PCLO: variants seen among roughly 807,000 people sequenced by gnomAD.
PCLO encodes protein piccolo.
PCLO carries 82 observed loss-of-function variants against 427.5 expected under a neutral mutation model. The ratio of observed to expected loss-of-function variants is 0.19; its 90% CI spans 0.16 to 0.23. The LOEUF is 0.23. PCLO is among the 10% of genes least tolerant of loss of function. PCLO has a pLI of 1.00. For missense variants in PCLO, 6,239 were observed against 6,115.9 expected (o/e 1.02, Z -0.67); for synonymous variants, 2,357 against 2,155.4 (o/e 1.09, Z -2.59).
At position 82,952,652 on chromosome 7, in the gene PCLO, T is replaced by C; in HGVS notation, c.8301A>G (p.Gln2767=). ...QITANEVYGK[Q]ISAVQPSIIN... ...TAATAGAGGGTTGGACAGCACTAAT[T>C]TGTTTCCCATAAACTTCATTTGCTG... Residue 2767 remains glutamine (Q), a synonymous_variant, in exon 5 of 25, where the codon CAA becomes CAG. Transcript: ENST00000333891. 6.2e-7 allele frequency: 1 copy of C among 1,613,942 alleles called. No homozygotes were observed. The highest frequency in any genetic ancestry group is 1.1e-5 in the South Asian group (1 of 91,090).
chr7:82,821,570 T>C (rs1272673108), intron 20 of PCLO: 1 of 974,812 alleles, frequency 1.0e-6, no homozygotes, highest in South Asian at 4.8e-5. Context: ...TTGTGAAATA[T>C]TTGCACATAT....
chr7:82,925,951 T>G (rs1445405249), intron 6 of PCLO, among the ~76,000 whole-genome samples: 1 of 151,856 alleles, frequency 6.6e-6, no homozygotes, highest in African/African-American at 2.4e-5. Flanking sequence ...ACTCCTGGGC[T>G]CAAGAGATCC....
intron 21 of PCLO, among the ~76,000 whole-genome samples, chr7:82,802,307 G>A (rs958443019): frequency 5.3e-5 from 8 of 152,040 alleles, no homozygotes; most frequent in African/African-American, 1.9e-4. Context: ...CAGAGTGCCT[G>A]AGAAATAATA....
chr7:82,989,546 GAA>G (rs1442250652), intron 3 of PCLO, among the ~76,000 whole-genome samples: 1 of 151,692 alleles, frequency 6.6e-6, no homozygotes. Flanking sequence ...CTCAATAAAA[GAA>G]AAAATAATTT....
intron 3 of PCLO, among the ~76,000 whole-genome samples, chr7:83,046,358 T>G (rs1219550484): frequency 6.6e-6 from 1 of 152,118 alleles, no homozygotes; most frequent in Non-Finnish European, 1.5e-5. Context: ...GTACACAACT[T>G]GTATTTATTC....
At chr7:82,847,410 T>C (rs997363524) in intron 10 of PCLO, among the ~76,000 whole-genome samples, 163 bp from the exon 11 acceptor site, 2 of 152,210 alleles carry the variant, frequency 1.3e-5, no homozygotes, top group South Asian at 2.1e-4. Flanking sequence ...AACCATTATG[T>C]AGTTTGATCT....
At chr7:83,143,401 T>C (rs372644538) in intron 2 of PCLO, among the ~76,000 whole-genome samples, 95 of 152,258 alleles carry the variant, frequency 6.2e-4, no homozygotes, top group Non-Finnish European at 1.1e-3. Context: ...AGCAACTTAA[T>C]AAAACAATTT....
At chr7:83,109,988 T>C (rs1790962358) in intron 3 of PCLO, among the ~76,000 whole-genome samples, 1 of 151,764 alleles carries the variant, frequency 6.6e-6, no homozygotes, top group South Asian at 2.1e-4. Context: ...ATTGGGAGTT[T>C]AGCCACATCT....
At position 82,954,759 on chromosome 7, in the gene PCLO, T is replaced by C. The variant is rs1795465398; in HGVS notation, c.6194A>G (p.Tyr2065Cys). The C allele has an allele frequency of 4.3e-6, 7 of 1,613,714 alleles. No individual in the cohort carries two copies. In the South Asian group the frequency reaches 4.4e-5, roughly 10 times the overall value. ...CTGTTGCCTCTTCATAAGTTCTTCA[T>C]AGGCAGCATCAGCATCTAGTAGTTT... ...ERKLLDADAA[Y>C]EELMKRQQMQ... The change falls in exon 5 of 25, where the codon TAT becomes TGT. Residue 2065 changes from tyrosine (Y) to cysteine (C), a missense_variant. Tyr to Cys is a radical substitution (Grantham distance 194). This residue lies in a region of PCLO where 4,677 missense variants were observed against 4,468.4 expected (regional missense o/e 1.05). Coordinates refer to ENST00000333891, the MANE Select transcript of PCLO (RefSeq NM_033026.6).
Position 83,032,232 on chromosome 7 carries a change from A to C in PCLO, c.3301-65745T>G, listed in dbSNP as rs114969232. On this transcript the variant is annotated intron_variant, in intron 3 of 24. Transcript: ENST00000333891. The stretch of plus-strand genomic sequence containing the variant: ...CTTATTAGCCTTTTGAGTCACCCTG[A>C]GTATCTCAAATGACAAATTCATTAT... Among the ~76,000 whole-genome samples, 1,405 of 152,252 alleles carry C rather than the reference A, an allele frequency of 9.2e-3. 32 individuals carry two copies. Among genetic ancestry groups the C allele is most frequent in the African/African-American group, 0.031 (1,272 of 41,546 alleles).
intron 20 of PCLO, among the ~76,000 whole-genome samples, chr7:82,808,398 C>G (rs974216688): frequency 2.0e-5 from 3 of 151,680 alleles, no homozygotes; most frequent in Non-Finnish European, 4.4e-5. Flanking sequence ...TTACCTGATG[C>G]GATTTTTAGT....
At chr7:82,901,063 A>G (rs1300481257) in intron 9 of PCLO, among the ~76,000 whole-genome samples, 7 of 151,878 alleles carry the variant, frequency 4.6e-5, no homozygotes, top group African/African-American at 1.7e-4. Flanking sequence ...TTATATTCCT[A>G]CAACCAGTGA....
chr7:82,894,880 A>G (rs1223233337), intron 9 of PCLO, among the ~76,000 whole-genome samples: 1 of 152,048 alleles, frequency 6.6e-6, no homozygotes, highest in Non-Finnish European at 1.5e-5. Flanking sequence ...CCCTGGGTAA[A>G]TGAAGGCTGA....
At chr7:82,940,954 G>C (rs1795071064) in intron 6 of PCLO, among the ~76,000 whole-genome samples, 1 of 151,362 alleles carries the variant, frequency 6.6e-6, no homozygotes, top group African/African-American at 2.4e-5. Flanking sequence ...AGTAGAGACG[G>C]GGTTTCACCA....
At chr7:83,085,365 C>A (rs544266553) in intron 3 of PCLO, among the ~76,000 whole-genome samples, 2 of 152,148 alleles carry the variant, frequency 1.3e-5, no homozygotes, top group Admixed American at 1.3e-4. Flanking sequence ...AAACCTACTG[C>A]GAAGTTAATT....
chr7:82,786,242 T>G (rs1263581827), intron 22 of PCLO, among the ~76,000 whole-genome samples: 1 of 152,084 alleles, frequency 6.6e-6, no homozygotes, highest in Admixed American at 6.6e-5. Context: ...AGAAGAATAA[T>G]GTAACTAAAA....
At chr7:83,055,105 C>T (rs1258402184) in intron 3 of PCLO, among the ~76,000 whole-genome samples, 2 of 152,096 alleles carry the variant, frequency 1.3e-5, no homozygotes, top group Non-Finnish European at 2.9e-5. Context: ...CTACAGGAAA[C>T]AGCACGTTTT....
intron 3 of PCLO, among the ~76,000 whole-genome samples, chr7:83,077,189 C>T (rs184053899): frequency 1.3e-5 from 2 of 152,178 alleles, no homozygotes; most frequent in African/African-American, 4.8e-5. Flanking sequence ...GTATTTGCTA[C>T]CTCATGAAAG....
chr7:82,928,863 C>T (rs1017039665), intron 6 of PCLO, among the ~76,000 whole-genome samples: 6 of 152,154 alleles, frequency 3.9e-5, no homozygotes, highest in African/African-American at 1.4e-4. Context: ...GAGTTAGACA[C>T]AGCTGTTGGC....
Sources: allele counts gnomAD v4.1 joint callset (sites outside exome capture counted in the v4.1 genomes callset), GRCh38; gene constraint gnomAD v4.1.1; regional missense constraint gnomAD v4.1.1; transcripts MANE v1.5; gene names NCBI Gene and HGNC (gene_info 2026-07-23, HGNC 2026-07-21).